GNG4: variants seen among roughly 807,000 people sequenced by gnomAD.
The protein encoded by GNG4 is G protein subunit gamma 4.
GNG4 carries 4 observed loss-of-function variants against 5.8 expected under a neutral mutation model. That is an observed-to-expected ratio of 0.69 (90% confidence interval 0.34 to 1.57). The LOEUF (loss-of-function observed/expected upper bound fraction) is 1.57. Ranked by LOEUF, GNG4 falls within the 40% of genes most tolerant of loss-of-function variation. GNG4 has a pLI of 0.06. For missense variants in GNG4, 96 were observed against 95.1 expected (o/e 1.01, Z -0.04); for synonymous variants, 29 against 32.9 (o/e 0.88, Z 0.41).
intron 3 of GNG4, among the ~76,000 whole-genome samples, chr1:235,557,627 G>A (rs570983002): frequency 1.3e-5 from 2 of 152,214 alleles, no homozygotes; most frequent in South Asian, 2.1e-4. Context: ...TACCTGTCCC[G>A]GTGGTTATCA....
At chr1:235,575,081 T>C (rs1053919766) in intron 3 of GNG4, among the ~76,000 whole-genome samples, 4 of 152,142 alleles carry the variant, frequency 2.6e-5, no homozygotes, top group Non-Finnish European at 4.4e-5. Context: ...CACCTCGGAC[T>C]CCCAAAGTGG....
chr1:235,647,339 A>G (rs1357250818), intron 1 of GNG4, among the ~76,000 whole-genome samples: 2 of 151,936 alleles, frequency 1.3e-5, no homozygotes, highest in African/African-American at 4.9e-5. Context: ...TAAAGTTACT[A>G]CTTCAAAATT....
intron 1 of GNG4, among the ~76,000 whole-genome samples, chr1:235,636,239 T>C (rs570087041): frequency 2.0e-5 from 3 of 152,304 alleles, no homozygotes; most frequent in African/African-American, 4.8e-5. Context: ...ATGAGGACGA[T>C]TACACAGAAG....
chr1:235,637,686 G>A (rs1231936459), intron 1 of GNG4, among the ~76,000 whole-genome samples: 1 of 150,478 alleles, frequency 6.6e-6, no homozygotes, highest in Non-Finnish European at 1.5e-5. Context: ...TTAGAATGAG[G>A]AAAACAATGA....
At chr1:235,623,238 G>A (rs1374718230) in intron 1 of GNG4, among the ~76,000 whole-genome samples, 3 of 152,074 alleles carry the variant, frequency 2.0e-5, no homozygotes, top group Non-Finnish European at 2.9e-5. Flanking sequence ...GGGCAAAGCT[G>A]TGAGAGAAAG....
chr1:235,562,595 AG>A (rs1687092705), intron 3 of GNG4, among the ~76,000 whole-genome samples: 2 of 150,746 alleles, frequency 1.3e-5, no homozygotes, highest in African/African-American at 2.4e-5. Context: ...CAGAGAGCCA[AG>A]ATGGCACCAC....
chr1:235,625,567 T>TCAACCCTCCCCAACGCCACATTCAGAG (rs540299810), intron 1 of GNG4, among the ~76,000 whole-genome samples: 107 of 152,354 alleles, frequency 7.0e-4, no homozygotes, highest in African/African-American at 2.4e-3. Context: ...CTCCACCTAT[T>TCAACCCTCCCCAACGCCACATTCAGAG]CAACCCTCCC....
At chr1:235,590,445 ACTGT>A (rs1477302769) in intron 2 of GNG4, among the ~76,000 whole-genome samples, 1 of 151,130 alleles carries the variant, frequency 6.6e-6, no homozygotes, top group Non-Finnish European at 1.5e-5. Flanking sequence ...ACAGAGTGAG[ACTGT>A]CTGGAAAAAA....
chr1:235,570,208 C>T (rs527906547), intron 3 of GNG4, among the ~76,000 whole-genome samples: 1 of 152,076 alleles, frequency 6.6e-6, no homozygotes, highest in East Asian at 1.9e-4. Context: ...CTAATTGCTT[C>T]GGTCTGACAC....
chr1:235,568,105 G>C (rs1038540909), intron 3 of GNG4, among the ~76,000 whole-genome samples: 1 of 151,236 alleles, frequency 6.6e-6, no homozygotes, highest in African/African-American at 2.4e-5. Flanking sequence ...TCCCTTTTCT[G>C]CTGTGCTGCC....
At chr1:235,575,584 G>GC (rs1687463842) in intron 3 of GNG4, among the ~76,000 whole-genome samples, 1 of 152,242 alleles carries the variant, frequency 6.6e-6, no homozygotes, top group Non-Finnish European at 1.5e-5. Context: ...GGAATTGTGA[G>GC]CACACCCACC....
intron 1 of GNG4, among the ~76,000 whole-genome samples, chr1:235,617,295 G>A (rs1407945830): frequency 1.3e-5 from 2 of 152,198 alleles, no homozygotes; most frequent in African/African-American, 4.8e-5. Flanking sequence ...AGAATTCTAA[G>A]TGAGAACAGA....
Position 235,628,677 on chromosome 1 carries a change from C to A in GNG4, c.-123+20985G>T, listed in dbSNP as rs115421806. The stretch of plus-strand genomic sequence containing the variant: ...CAGGCAGAATGCATGCTTCGATTTG[C>A]GTTTTAAAACATTTAGAAAAGTCAC... On this transcript the variant is annotated intron_variant, in intron 1 of 3. Coordinates refer to ENST00000391854, the MANE Select transcript of GNG4 (RefSeq NM_001098722.2). Among the ~76,000 whole-genome samples, 552 of 152,284 alleles carry A rather than the reference C, an allele frequency of 3.6e-3. 5 individuals are homozygous for A. Among genetic ancestry groups the A allele is most frequent in the African/African-American group, 0.012 (490 of 41,564 alleles).
chr1:235,578,750 G>A (rs1687545971), intron 3 of GNG4, among the ~76,000 whole-genome samples: 1 of 152,130 alleles, frequency 6.6e-6, no homozygotes, highest in Non-Finnish European at 1.5e-5. Flanking sequence ...GAGTAAAATG[G>A]TGGCTACCTG....
chr1:235,633,010 A>T (rs988733403), intron 1 of GNG4, among the ~76,000 whole-genome samples: 1 of 152,218 alleles, frequency 6.6e-6, no homozygotes, highest in African/African-American at 2.4e-5. Flanking sequence ...TACGGTGGTT[A>T]TTCAGACCTT....
At chr1:235,586,591 C>T (rs577493996) in intron 2 of GNG4, among the ~76,000 whole-genome samples, 17 of 152,266 alleles carry the variant, frequency 1.1e-4, no homozygotes, top group African/African-American at 4.1e-4. Flanking sequence ...GATCACGGGG[C>T]CAGATCAGTC....
chr1:235,611,722 T>C (rs1688477692), intron 1 of GNG4, among the ~76,000 whole-genome samples: 1 of 152,116 alleles, frequency 6.6e-6, no homozygotes, highest in African/African-American at 2.4e-5. Context: ...CCATTGTGGG[T>C]CTCAGTTTCG....
At chr1:235,606,878 G>A (rs1483173070) in intron 1 of GNG4, among the ~76,000 whole-genome samples, 1 of 151,630 alleles carries the variant, frequency 6.6e-6, no homozygotes, top group Non-Finnish European at 1.5e-5. Context: ...GAAGGAAGCC[G>A]CATGCTCACT....
At chr1:235,606,858 G>A (rs1688371060) in intron 1 of GNG4, among the ~76,000 whole-genome samples, 1 of 151,972 alleles carries the variant, frequency 6.6e-6, no homozygotes, top group Non-Finnish European at 1.5e-5. Context: ...GCATGGGGGG[G>A]CGAGCAGAGG....
Sources: allele counts gnomAD v4.1 joint callset (sites outside exome capture counted in the v4.1 genomes callset), GRCh38; gene constraint gnomAD v4.1.1; transcripts MANE v1.5; gene names NCBI Gene and HGNC (gene_info 2026-07-23, HGNC 2026-07-21).